KCTD8: variants seen among roughly 807,000 people sequenced by gnomAD.
KCTD8 encodes BTB/POZ domain-containing protein KCTD8.
A neutral mutation model predicts 31.5 loss-of-function variants in KCTD8; 27 were observed. The ratio of observed to expected loss-of-function variants is 0.86; its 90% CI spans 0.63 to 1.18. The LOEUF is 1.18. Among genes scored for constraint, KCTD8 ranks in the 50% most tolerant of loss-of-function variants. KCTD8 has a pLI of 0.00. For synonymous variants in KCTD8, 290 were observed against 280.0 expected, an observed-to-expected ratio of 1.04 and a Z score of -0.36; for missense variants, 658 against 647.7, an observed-to-expected ratio of 1.02 and a Z score of -0.17.
intron 1 of KCTD8, among the ~76,000 whole-genome samples, chr4:44,192,379 T>C (rs544578880): frequency 1.3e-5 from 2 of 151,950 alleles, no homozygotes; most frequent in African/African-American, 2.4e-5. Flanking sequence ...AGCCTATTAT[T>C]ACTGGCCTAG....
chr4:44,323,070 G>T (rs557211641), intron 1 of KCTD8, among the ~76,000 whole-genome samples: 5 of 151,966 alleles, frequency 3.3e-5, no homozygotes, highest in Non-Finnish European at 5.9e-5. Context: ...GGTTTTTGAG[G>T]TCTTTTGTTG....
chr4:44,388,260 A>G (rs1720275204), intron 1 of KCTD8, among the ~76,000 whole-genome samples: 2 of 151,972 alleles, frequency 1.3e-5, no homozygotes, highest in African/African-American at 4.8e-5. Context: ...TGGTGATTGG[A>G]GTGTAAATTA....
intron 1 of KCTD8, among the ~76,000 whole-genome samples, chr4:44,370,653 T>C (rs2109435915): frequency 6.6e-6 from 1 of 152,316 alleles, no homozygotes; most frequent in African/African-American, 2.4e-5. Flanking sequence ...AGAATCTCAA[T>C]GCATCAGTCT....
chr4:44,329,446 C>A (rs1718536450), intron 1 of KCTD8, among the ~76,000 whole-genome samples: 1 of 151,864 alleles, frequency 6.6e-6, no homozygotes, highest in African/African-American at 2.4e-5. Context: ...ATTACTTTAT[C>A]TTCTAATTTT....
At chr4:44,382,885 T>C (rs1269460114) in intron 1 of KCTD8, among the ~76,000 whole-genome samples, 1 of 151,982 alleles carries the variant, frequency 6.6e-6, no homozygotes, top group Non-Finnish European at 1.5e-5. Flanking sequence ...TGTTTGCAGA[T>C]GACATGATCT....
At chr4:44,274,866 T>C (rs1716709016) in intron 1 of KCTD8, among the ~76,000 whole-genome samples, 2 of 152,038 alleles carry the variant, frequency 1.3e-5, no homozygotes, top group African/African-American at 4.8e-5. Context: ...GCCTTCTGAA[T>C]GAAGTTTAAT....
At chr4:44,256,563 C>A (rs1028006706) in intron 1 of KCTD8, among the ~76,000 whole-genome samples, 2 of 151,838 alleles carry the variant, frequency 1.3e-5, no homozygotes, top group South Asian at 4.2e-4. Context: ...TGAACTGATA[C>A]AACTTCTTTG....
intron 1 of KCTD8, among the ~76,000 whole-genome samples, chr4:44,386,239 T>C (rs1308879278): frequency 1.3e-4 from 19 of 151,486 alleles, no homozygotes; most frequent in Admixed American, 1.3e-3. Flanking sequence ...TAAGAGATAT[T>C]TCTACAGTCA....
At chr4:44,329,950 A>C (rs192588926) in intron 1 of KCTD8, among the ~76,000 whole-genome samples, 138 of 152,092 alleles carry the variant, frequency 9.1e-4, no homozygotes, top group African/African-American at 3.1e-3. Flanking sequence ...ACTGGAATTC[A>C]CAAGGAATAC....
At chr4:44,192,350 G>A (rs1713788690) in intron 1 of KCTD8, among the ~76,000 whole-genome samples, 1 of 151,844 alleles carries the variant, frequency 6.6e-6, no homozygotes, top group Non-Finnish European at 1.5e-5. Flanking sequence ...ATTCTTTAAG[G>A]CTAGGATGGG....
At chr4:44,266,905 T>A (rs1187500169) in intron 1 of KCTD8, among the ~76,000 whole-genome samples, 9 of 151,268 alleles carry the variant, frequency 5.9e-5, no homozygotes, top group Non-Finnish European at 1.3e-4. Flanking sequence ...AAGTCCTGAG[T>A]GACCTACAAA....
intron 1 of KCTD8, among the ~76,000 whole-genome samples, chr4:44,443,957 T>C (rs1721872782): frequency 6.6e-6 from 1 of 152,078 alleles, no homozygotes; most frequent in South Asian, 2.1e-4. Flanking sequence ...TAAATCACTG[T>C]TTTTCCCCCA....
At chr4:44,263,181 A>C (rs1716233833) in intron 1 of KCTD8, among the ~76,000 whole-genome samples, 1 of 152,122 alleles carries the variant, frequency 6.6e-6, no homozygotes, top group Non-Finnish European at 1.5e-5. Context: ...GTCACATTAT[A>C]GGCATAACAG....
intron 1 of KCTD8, among the ~76,000 whole-genome samples, chr4:44,435,047 A>C: frequency 6.6e-6 from 1 of 152,056 alleles, no homozygotes; most frequent in East Asian, 1.9e-4. Context: ...AATAGCTTGC[A>C]TAGAACTTTC....
intron 1 of KCTD8, among the ~76,000 whole-genome samples, chr4:44,431,792 C>T (rs1366121549): frequency 6.6e-6 from 1 of 151,454 alleles, no homozygotes; most frequent in East Asian, 1.9e-4. Flanking sequence ...ATGTTTCCTC[C>T]ACATTACTGT....
At position 44,197,538 on chromosome 4, in the gene KCTD8, C is replaced by G. The variant is rs936021457; in HGVS notation, c.962-22288G>C. On this transcript the variant is annotated intron_variant, in intron 1 of 1. Coordinates refer to ENST00000360029, the MANE Select transcript of KCTD8 (RefSeq NM_198353.3). Reference sequence around the variant, plus strand: ...AAGCAATATCTATTGAATAGCAGCTCAAATTAGAAAACCAATAATAATTTG... The same window carrying G: ...AAGCAATATCTATTGAATAGCAGCTGAAATTAGAAAACCAATAATAATTTG... Among the ~76,000 whole-genome samples the G allele has an allele frequency of 3.3e-5, 5 of 152,162 alleles. No individual in the cohort carries two copies. In the East Asian group the frequency reaches 9.6e-4, roughly 29 times the overall value.
chr4:44,365,796 C>G (rs1200426962), intron 1 of KCTD8, among the ~76,000 whole-genome samples: 3 of 151,918 alleles, frequency 2.0e-5, no homozygotes, highest in Non-Finnish European at 2.9e-5. Context: ...AATCAGTCAC[C>G]GGCAAAAAGA....
chr4:44,365,485 T>G (rs1719607378), intron 1 of KCTD8, among the ~76,000 whole-genome samples: 1 of 152,092 alleles, frequency 6.6e-6, no homozygotes, highest in African/African-American at 2.4e-5. Context: ...TTCACAAAAA[T>G]GAATGCATTG....
At chr4:44,298,846 T>G (rs1284371869) in intron 1 of KCTD8, among the ~76,000 whole-genome samples, 1 of 152,096 alleles carries the variant, frequency 6.6e-6, no homozygotes, top group Non-Finnish European at 1.5e-5. Flanking sequence ...AAATATTGAT[T>G]GAAAGATAGT....
Sources: allele counts gnomAD v4.1 joint callset (sites outside exome capture counted in the v4.1 genomes callset), GRCh38; gene constraint gnomAD v4.1.1; transcripts MANE v1.5; gene names NCBI Gene and HGNC (gene_info 2026-07-23, HGNC 2026-07-21).